Variants in NAALADL2 observed in about 807,000 individuals in gnomAD.
The protein encoded by NAALADL2 is inactive N-acetylated-alpha-linked acidic dipeptidase-like protein 2.
NAALADL2 carries 76 observed loss-of-function variants against 87.2 expected under a neutral mutation model. The ratio of observed to expected loss-of-function variants is 0.87; its 90% CI spans 0.72 to 1.05. NAALADL2 has a LOEUF of 1.05. Ranked by LOEUF, NAALADL2 falls within the 50% of genes least tolerant of loss-of-function variation. The probability of loss-of-function intolerance (pLI) is 0.00; values close to 1 mark genes in which losing one functional copy is unlikely to be tolerated. For missense variants in NAALADL2, 1,089 were observed against 945.8 expected (o/e 1.15, Z -1.99); for synonymous variants, 354 against 331.0 (o/e 1.07, Z -0.75).
intron 2 of NAALADL2, among the ~76,000 whole-genome samples, chr3:175,141,390 A>G (rs1729968136): frequency 6.6e-6 from 1 of 152,026 alleles, no homozygotes; most frequent in African/African-American, 2.4e-5. Flanking sequence ...TAGAAATACA[A>G]ACTGAAGCAA....
chr3:175,165,385 A>G (rs1033606747), intron 2 of NAALADL2, among the ~76,000 whole-genome samples: 10 of 152,166 alleles, frequency 6.6e-5, no homozygotes, highest in Admixed American at 3.9e-4. Flanking sequence ...AAATCAATCC[A>G]TCTATAAACA....
At chr3:175,558,762 T>C (rs1715778415) in intron 9 of NAALADL2, among the ~76,000 whole-genome samples, 1 of 152,202 alleles carries the variant, frequency 6.6e-6, no homozygotes, top group African/African-American at 2.4e-5. Flanking sequence ...GTGGATTCTC[T>C]ATTCTGTTCC....
At chr3:175,049,811 G>A (rs891845550) in intron 1 of NAALADL2, among the ~76,000 whole-genome samples, 6 of 152,212 alleles carry the variant, frequency 3.9e-5, no homozygotes, top group African/African-American at 1.2e-4. Flanking sequence ...AATAGAGGAA[G>A]ACAAGAGAGA....
intron 10 of NAALADL2, among the ~76,000 whole-genome samples, chr3:175,591,233 T>C (rs916048918): frequency 7.2e-5 from 11 of 152,182 alleles, no homozygotes; most frequent in African/African-American, 2.7e-4. Flanking sequence ...GATTTTCCTG[T>C]GTTTTCATAT....
At chr3:175,096,422 A>T (rs973669353) in intron 1 of NAALADL2, among the ~76,000 whole-genome samples, 7 of 151,606 alleles carry the variant, frequency 4.6e-5, no homozygotes, top group Non-Finnish European at 1.0e-4. Context: ...TGCCTTCTGC[A>T]TTGCATCATC....
At chr3:174,929,330 T>C (rs1736532787) in intron 1 of NAALADL2, among the ~76,000 whole-genome samples, 1 of 152,186 alleles carries the variant, frequency 6.6e-6, no homozygotes, top group Admixed American at 6.5e-5. Context: ...TAAAGAATGA[T>C]TCTCACTGCT....
At chr3:175,016,430 A>G (rs1040443310) in intron 1 of NAALADL2, among the ~76,000 whole-genome samples, 1 of 151,504 alleles carries the variant, frequency 6.6e-6, no homozygotes, top group African/African-American at 2.4e-5. Flanking sequence ...TTATAAAACA[A>G]TACACACCAT....
intron 2 of NAALADL2, among the ~76,000 whole-genome samples, chr3:175,195,981 G>T (rs1446519528): frequency 6.6e-6 from 1 of 151,862 alleles, no homozygotes; most frequent in African/African-American, 2.4e-5. Context: ...GGGGCAAGTA[G>T]ATTATTTTAA....
intron 11 of NAALADL2, among the ~76,000 whole-genome samples, chr3:175,639,984 T>A (rs1322287470): frequency 1.3e-5 from 2 of 152,200 alleles, no homozygotes; most frequent in Admixed American, 6.5e-5. Flanking sequence ...AACTGAGTAG[T>A]TAGTGCGTGA....
intron 1 of NAALADL2, among the ~76,000 whole-genome samples, chr3:174,987,571 A>C (rs1746063731): frequency 8.8e-6 from 1 of 114,072 alleles, no homozygotes; most frequent in East Asian, 2.9e-4. Context: ...TCCGTCTCAA[A>C]AAAAAAAAAA....
chr3:174,535,689 C>T (rs1291780797), intron 1 of NAALADL2, among the ~76,000 whole-genome samples: 1 of 151,928 alleles, frequency 6.6e-6, no homozygotes, highest in Non-Finnish European at 1.5e-5. Context: ...CTTATTAGTT[C>T]ATTTCTCTGG....
chr3:175,029,506 T>C (rs1489391002), intron 1 of NAALADL2, among the ~76,000 whole-genome samples: 1 of 152,040 alleles, frequency 6.6e-6, no homozygotes. Context: ...AGATAATTGT[T>C]AGCAAAACCA....
At position 175,465,944 on chromosome 3, in the gene NAALADL2, A is replaced by G. The variant is rs796655459; in HGVS notation, c.1328-1035A>G. Among the ~76,000 whole-genome samples the G allele has an allele frequency of 2.8e-4, 42 of 152,332 alleles. 4 individuals carry two copies. The highest frequency in any genetic ancestry group is 1.3e-3 in the Admixed American group (20 of 15,304). On this transcript the variant is annotated intron_variant, in intron 7 of 13. Transcript: ENST00000454872. ...ACCTACTTTGTGTTGAGCATTGTTC[A>G]AAGTGGCTTACAAACAGTAACTCCT...
At chr3:175,520,183 A>G (rs372888822) in intron 9 of NAALADL2, among the ~76,000 whole-genome samples, 1 of 152,176 alleles carries the variant, frequency 6.6e-6, no homozygotes, top group Admixed American at 6.5e-5. Context: ...CCTTAAATTA[A>G]TAAACTTTAT....
At chr3:175,465,011 A>C (rs1235067767) in intron 7 of NAALADL2, among the ~76,000 whole-genome samples, 1 of 152,190 alleles carries the variant, frequency 6.6e-6, no homozygotes, top group Non-Finnish European at 1.5e-5. Flanking sequence ...GAATTGAAAA[A>C]ATCGATTTTA....
At chr3:175,647,197 A>G (rs750273605) in intron 11 of NAALADL2, among the ~76,000 whole-genome samples, 2 of 152,154 alleles carry the variant, frequency 1.3e-5, no homozygotes, top group Non-Finnish European at 2.9e-5. Flanking sequence ...CCTACTGTAT[A>G]TTCCTAACAG....
Position 175,757,916 on chromosome 3 carries a change from T to C in NAALADL2, c.2189+2498T>C, listed in dbSNP as rs531161506. 1.6e-3 allele frequency among the ~76,000 whole-genome samples: 241 copies of C among 152,254 alleles called. 2 individuals are homozygous for C. Among genetic ancestry groups the C allele is most frequent in the African/African-American group, 5.7e-3 (235 of 41,578 alleles). On this transcript the variant is annotated intron_variant, in intron 13 of 13. Coordinates refer to ENST00000454872, the MANE Select transcript of NAALADL2 (RefSeq NM_207015.3). ...ATTTTGTAAATTATTCTATTTACTT[T>C]AAAGAAAAATTCAGAAATTAATACA...
At chr3:175,289,200 T>A (rs9877047) in intron 4 of NAALADL2, among the ~76,000 whole-genome samples, 113,478 of 151,912 alleles carry the variant, frequency 0.75, 42,861 homozygotes, top group Non-Finnish European at 0.79. Flanking sequence ...TTTTAAAAAT[T>A]TAAATAGCTC....
intron 2 of NAALADL2, among the ~76,000 whole-genome samples, chr3:174,596,716 A>G (rs1360961228): frequency 3.9e-5 from 6 of 152,214 alleles, no homozygotes; most frequent in Non-Finnish European, 8.8e-5. Context: ...TTTCTAAATG[A>G]ATACATTTCT....
Sources: gnomAD v4.1 joint callset for allele counts (sites outside exome capture counted in the v4.1 genomes callset) on GRCh38, gnomAD v4.1.1 for gene constraint, MANE v1.5 for transcripts, NCBI Gene and HGNC (gene_info 2026-07-23, HGNC 2026-07-21) for gene names.